Variants in GPC5 observed in about 807,000 individuals in gnomAD.
The protein encoded by GPC5 is glypican 5.
GPC5 carries 47 observed loss-of-function variants against 53.9 expected under a neutral mutation model. The observed-to-expected ratio is 0.87, with a 90% CI of 0.69 to 1.11. GPC5 has a LOEUF of 1.11. GPC5 is among the 50% of genes most tolerant of loss of function. The pLI is 0.00. For missense variants in GPC5, 748 were observed against 713.1 expected, an observed-to-expected ratio of 1.05 and a Z score of -0.56; for synonymous variants, 286 against 263.3, an observed-to-expected ratio of 1.09 and a Z score of -0.84.
intron 7 of GPC5, among the ~76,000 whole-genome samples, chr13:92,628,368 C>T (rs1188171658): frequency 2.0e-5 from 3 of 147,030 alleles, no homozygotes; most frequent in African/African-American, 5.1e-5. Flanking sequence ...CTCCGCCTCC[C>T]GGGCTCATGC....
At chr13:92,395,474 T>C (rs1400063221) in intron 7 of GPC5, among the ~76,000 whole-genome samples, 1 of 152,160 alleles carries the variant, frequency 6.6e-6, no homozygotes, top group East Asian at 1.9e-4. Context: ...ACTGTCTTTA[T>C]TATTATTTTA....
At chr13:91,583,590 T>C (rs1013641301) in intron 2 of GPC5, among the ~76,000 whole-genome samples, 3 of 80,122 alleles carry the variant, frequency 3.7e-5, no homozygotes, top group African/African-American at 1.5e-4. Context: ...ATAATCGCAA[T>C]CAAAATTTTG....
At chr13:91,883,834 T>C (rs1014217051) in intron 5 of GPC5, among the ~76,000 whole-genome samples, 1 of 152,192 alleles carries the variant, frequency 6.6e-6, no homozygotes, top group Admixed American at 6.6e-5. Flanking sequence ...AGGTTTGTTA[T>C]GTAGGTAAAC....
intron 7 of GPC5, among the ~76,000 whole-genome samples, chr13:92,365,675 T>C (rs1241211960): frequency 6.6e-6 from 1 of 151,328 alleles, no homozygotes; most frequent in Non-Finnish European, 1.5e-5. Context: ...TTTTTTTTTT[T>C]ACTTTGTAAA....
At chr13:92,445,587 T>G (rs989196254) in intron 7 of GPC5, among the ~76,000 whole-genome samples, 1 of 150,884 alleles carries the variant, frequency 6.6e-6, no homozygotes, top group African/African-American at 2.4e-5. Flanking sequence ...GTTCTTGTGA[T>G]AGTTTACTGA....
chr13:92,268,626 C>T (rs981523139), intron 7 of GPC5, among the ~76,000 whole-genome samples: 1 of 151,378 alleles, frequency 6.6e-6, no homozygotes, highest in Non-Finnish European at 1.5e-5. Flanking sequence ...GTTCATTTAT[C>T]TTTATTCCTG....
chr13:92,353,057 G>A (rs183718896), intron 7 of GPC5, among the ~76,000 whole-genome samples: 4,273 of 151,596 alleles, frequency 0.028, 209 homozygotes, highest in African/African-American at 0.099. Context: ...TCAGGAGATC[G>A]AGACCATCCT....
chr13:92,800,663 G>T (rs1876867894), intron 7 of GPC5, among the ~76,000 whole-genome samples: 1 of 151,780 alleles, frequency 6.6e-6, no homozygotes, highest in South Asian at 2.1e-4. Flanking sequence ...AGTTGTGAAG[G>T]TTCCTATGAT....
intron 7 of GPC5, among the ~76,000 whole-genome samples, chr13:92,299,353 A>C (rs1198086989): frequency 6.6e-6 from 1 of 152,188 alleles, no homozygotes; most frequent in Non-Finnish European, 1.5e-5. Flanking sequence ...CTTAGGAGAA[A>C]GCCTTTGGTG....
intron 6 of GPC5, among the ~76,000 whole-genome samples, chr13:91,950,371 C>T (rs2040016409): frequency 6.6e-6 from 1 of 150,708 alleles, no homozygotes; most frequent in South Asian, 2.1e-4. Context: ...CCCAGCCCCA[C>T]CCTCCACTAA....
intron 6 of GPC5, among the ~76,000 whole-genome samples, chr13:92,067,686 T>C (rs1266253761): frequency 6.6e-6 from 1 of 151,992 alleles, no homozygotes; most frequent in East Asian, 1.9e-4. Flanking sequence ...AATTCAGAAA[T>C]GAAAGCAATT....
chr13:92,170,390 G>T, intron 7 of GPC5, among the ~76,000 whole-genome samples: 1 of 145,650 alleles, frequency 6.9e-6, no homozygotes, highest in Middle Eastern at 3.9e-3. Flanking sequence ...TACCCACAAA[G>T]CAAGTTTTTC....
intron 2 of GPC5, among the ~76,000 whole-genome samples, chr13:91,487,062 G>T (rs1337280363): frequency 1.3e-5 from 2 of 152,158 alleles, no homozygotes; most frequent in African/African-American, 4.8e-5. Flanking sequence ...GCTCAATATT[G>T]TAGGTTTGAG....
intron 2 of GPC5, among the ~76,000 whole-genome samples, chr13:91,598,641 AT>A: frequency 6.6e-6 from 1 of 151,960 alleles, no homozygotes. Context: ...TATTAAATAT[AT>A]TTTTCTAAAT....
chr13:91,553,420 CAGTT>C (rs749561238), intron 2 of GPC5, among the ~76,000 whole-genome samples: 25 of 151,912 alleles, frequency 1.6e-4, no homozygotes, highest in Admixed American at 1.6e-3. Context: ...TTTTAAAACA[CAGTT>C]AGAGCTCAAT....
chr13:92,772,079 C>A (rs889023889), intron 7 of GPC5, among the ~76,000 whole-genome samples: 2 of 152,116 alleles, frequency 1.3e-5, no homozygotes, highest in Non-Finnish European at 2.9e-5. Context: ...ACACAAATTT[C>A]AAGATACATT....
At chr13:91,963,139 C>A (rs975424920) in intron 6 of GPC5, among the ~76,000 whole-genome samples, 1 of 152,076 alleles carries the variant, frequency 6.6e-6, no homozygotes, top group Admixed American at 6.6e-5. Flanking sequence ...CAGGGAATTG[C>A]ATAATTTTGT....
At chr13:92,233,452 A>T (rs1288045008) in intron 7 of GPC5, among the ~76,000 whole-genome samples, 1 of 152,190 alleles carries the variant, frequency 6.6e-6, no homozygotes, top group Non-Finnish European at 1.5e-5. Flanking sequence ...ATAATATTTT[A>T]AAATAGGAAC....
chr13:91,572,749 A>T (rs973411798), intron 2 of GPC5, among the ~76,000 whole-genome samples: 11 of 152,026 alleles, frequency 7.2e-5, no homozygotes, highest in Admixed American at 2.0e-4. Context: ...GAGTGGACAA[A>T]CCTTCAAACC....
Sources: allele counts gnomAD v4.1 joint callset (sites outside exome capture counted in the v4.1 genomes callset), GRCh38; gene constraint gnomAD v4.1.1; transcripts MANE v1.5; gene names NCBI Gene and HGNC (gene_info 2026-07-23, HGNC 2026-07-21).